Variants in TBC1D5 observed in about 807,000 individuals in gnomAD.
TBC1D5 encodes the protein TBC1 domain family, member 5.
Under a neutral mutation model 100.3 loss-of-function variants are expected in TBC1D5, and 75 were observed. The ratio of observed to expected loss-of-function variants is 0.75; its 90% CI spans 0.62 to 0.91. The LOEUF is 0.91. TBC1D5 is among the 40% of genes least tolerant of loss of function. TBC1D5 has a pLI of 0.00. For synonymous variants in TBC1D5, 323 were observed against 325.6 expected (o/e 0.99, Z 0.09); for missense variants, 910 against 942.4 (o/e 0.97, Z 0.45).
At chr3:17,452,729 C>T (rs538705756) in intron 3 of TBC1D5, among the ~76,000 whole-genome samples, 3 of 152,078 alleles carry the variant, frequency 2.0e-5, no homozygotes, top group Non-Finnish European at 4.4e-5. Context: ...GAATTCAGCA[C>T]CCCACTTTCA....
intron 2 of TBC1D5, among the ~76,000 whole-genome samples, chr3:17,519,197 G>A (rs1379774511): frequency 6.6e-6 from 1 of 152,206 alleles, no homozygotes; most frequent in Non-Finnish European, 1.5e-5. Flanking sequence ...TTGATTTTCA[G>A]GCTTAAGAAG....
intron 16 of TBC1D5, among the ~76,000 whole-genome samples, chr3:17,251,988 T>C (rs1014580911): frequency 6.6e-6 from 1 of 152,222 alleles, no homozygotes; most frequent in Non-Finnish European, 1.5e-5. Context: ...GAACTTCATA[T>C]TTTTTAAAGT....
intron 19 of TBC1D5, among the ~76,000 whole-genome samples, chr3:17,180,007 A>G (rs1013282662): frequency 6.6e-6 from 1 of 152,224 alleles, no homozygotes; most frequent in Admixed American, 6.5e-5. Context: ...ATTATGTGTG[A>G]AGTACGGCAT....
chr3:17,322,501 A>C (rs2085544650), intron 13 of TBC1D5, among the ~76,000 whole-genome samples: 1 of 152,222 alleles, frequency 6.6e-6, no homozygotes, highest in African/African-American at 2.4e-5. Flanking sequence ...AAGGGGGAAA[A>C]ACCCCAGATG....
intron 3 of TBC1D5, among the ~76,000 whole-genome samples, chr3:17,466,819 C>T (rs1320009950): frequency 6.6e-6 from 1 of 151,404 alleles, no homozygotes; most frequent in East Asian, 1.9e-4. Context: ...TCAAACGTGA[C>T]TCAAGTAGTC....
intron 2 of TBC1D5, among the ~76,000 whole-genome samples, chr3:17,569,284 G>T (rs755240796): frequency 6.6e-6 from 1 of 151,664 alleles, no homozygotes; most frequent in African/African-American, 2.4e-5. Flanking sequence ...TAAATCAGTC[G>T]ACTGGATGAT....
intron 15 of TBC1D5, among the ~76,000 whole-genome samples, chr3:17,269,523 T>G (rs959330724): frequency 1.3e-5 from 2 of 152,134 alleles, no homozygotes; most frequent in Non-Finnish European, 2.9e-5. Flanking sequence ...ATGGGGTACA[T>G]GTACAGGTTT....
At chr3:17,584,748 C>T (rs1332811908) in intron 2 of TBC1D5, among the ~76,000 whole-genome samples, 1 of 152,326 alleles carries the variant, frequency 6.6e-6, no homozygotes, top group East Asian at 1.9e-4. Context: ...CCTCCACTTC[C>T]CGAGTTCAAG....
intron 2 of TBC1D5, among the ~76,000 whole-genome samples, chr3:17,580,681 C>G (rs547790191): frequency 5.1e-4 from 77 of 152,204 alleles, no homozygotes; most frequent in African/African-American, 1.5e-3. Context: ...CTCCAACTTC[C>G]CCCTTAAGCT....
intron 1 of TBC1D5, among the ~76,000 whole-genome samples, chr3:17,719,850 A>C (rs1314719645): frequency 6.6e-6 from 1 of 152,080 alleles, no homozygotes; most frequent in Non-Finnish European, 1.5e-5. Context: ...CAAGAAAATA[A>C]TCTACATGTG....
At chr3:17,308,125 C>T (rs996301534) in exon 14 of TBC1D5, 2 of 1,577,004 alleles carry the variant, frequency 1.3e-6, no homozygotes, top group African/African-American at 2.8e-5. Flanking sequence ...ATAGCAGCCG[C>T]ACCCACCTTC....
At chr3:17,236,585 A>T (rs1347463960) in intron 17 of TBC1D5, among the ~76,000 whole-genome samples, 1 of 151,878 alleles carries the variant, frequency 6.6e-6, no homozygotes, top group Non-Finnish European at 1.5e-5. Flanking sequence ...TCCTAGGTTC[A>T]AATGATTCTC....
At chr3:17,630,450 T>C (rs1275042293) in intron 1 of TBC1D5, among the ~76,000 whole-genome samples, 2 of 152,196 alleles carry the variant, frequency 1.3e-5, no homozygotes, top group Non-Finnish European at 2.9e-5. Flanking sequence ...TGAACTGTGA[T>C]CAGTGGCCTT....
At chr3:17,676,967 G>A in intron 1 of TBC1D5, among the ~76,000 whole-genome samples, 1 of 152,056 alleles carries the variant, frequency 6.6e-6, no homozygotes, top group Admixed American at 6.5e-5. Flanking sequence ...AGCTGAAACT[G>A]GATCCCTTCC....
At chr3:17,360,702 A>G (rs11924920) in intron 13 of TBC1D5, among the ~76,000 whole-genome samples, 9,199 of 152,052 alleles carry the variant, frequency 0.06, 544 homozygotes, top group African/African-American at 0.15. Context: ...TAATAAATAC[A>G]AATTTAAAAA....
intron 2 of TBC1D5, among the ~76,000 whole-genome samples, chr3:17,548,830 A>C (rs1393478700): frequency 6.6e-6 from 1 of 152,232 alleles, no homozygotes; most frequent in Non-Finnish European, 1.5e-5. Context: ...ACATACAATT[A>C]AAATACTTAC....
intron 3 of TBC1D5, among the ~76,000 whole-genome samples, chr3:17,507,964 A>C (rs957673547): frequency 1.3e-5 from 2 of 152,144 alleles, no homozygotes; most frequent in Admixed American, 6.5e-5. Flanking sequence ...TCTACCACTT[A>C]ATAATTTCAG....
intron 12 of TBC1D5, 136 bp from the exon 13 acceptor site, chr3:17,372,383 G>T: frequency 1.4e-6 from 1 of 722,262 alleles, no homozygotes; most frequent in Non-Finnish European, 2.0e-6. Context: ...AAAGGTGAGA[G>T]CACCATGAAA....
intron 2 of TBC1D5, among the ~76,000 whole-genome samples, chr3:17,560,313 G>C (rs1179271232): frequency 6.6e-6 from 1 of 152,162 alleles, no homozygotes; most frequent in Non-Finnish European, 1.5e-5. Flanking sequence ...TATTGTTTAA[G>C]AAAGTCTTCA....
Sources: gnomAD v4.1 joint callset for allele counts (sites outside exome capture counted in the v4.1 genomes callset) on GRCh38, gnomAD v4.1.1 for gene constraint, MANE v1.5 for transcripts, NCBI Gene and HGNC (gene_info 2026-07-23, HGNC 2026-07-21) for gene names.